The following GBE1 variants were observed in gnomAD, a reference collection of about 807,000 sequenced individuals.
The protein encoded by GBE1 is 1,4-alpha-glucan-branching enzyme.
A neutral mutation model predicts 88.8 loss-of-function variants in GBE1; 70 were observed. That is an observed-to-expected ratio of 0.79 (90% CI 0.65 to 0.96). The LOEUF is 0.96. GBE1 is among the 40% of genes least tolerant of loss of function. The pLI is 0.00. For synonymous variants in GBE1, 284 were observed against 300.1 expected (o/e 0.95, Z 0.56); for missense variants, 872 against 871.0 (o/e 1.00, Z -0.01).
chr3:81,566,188 A>G (rs577505391), intron 12 of GBE1, among the ~76,000 whole-genome samples: 14 of 152,296 alleles, frequency 9.2e-5, no homozygotes, highest in African/African-American at 3.4e-4. Flanking sequence ...GAACTTTCCT[A>G]TATCTTTTAC....
At chr3:81,690,292 A>G (rs1361261755) in intron 2 of GBE1, among the ~76,000 whole-genome samples, 1 of 152,254 alleles carries the variant, frequency 6.6e-6, no homozygotes, top group Non-Finnish European at 1.5e-5. Context: ...CTGTGTGTGC[A>G]TACTTCGTCT....
intron 7 of GBE1, among the ~76,000 whole-genome samples, chr3:81,640,357 G>A (rs1238822829): frequency 6.6e-6 from 1 of 151,996 alleles, no homozygotes; most frequent in African/African-American, 2.4e-5. Flanking sequence ...GACTAGCTTA[G>A]TCTTCCAGCC....
intron 2 of GBE1, among the ~76,000 whole-genome samples, chr3:81,684,173 C>T (rs1258990888): frequency 6.6e-6 from 1 of 152,158 alleles, no homozygotes; most frequent in African/African-American, 2.4e-5. Flanking sequence ...AGAGCTACTA[C>T]ATGACAGGGC....
intron 9 of GBE1, among the ~76,000 whole-genome samples, chr3:81,590,258 A>T (rs1423555862): frequency 6.6e-6 from 1 of 152,058 alleles, no homozygotes; most frequent in East Asian, 1.9e-4. Flanking sequence ...GTAAAAACAC[A>T]CCTTAATTCT....
At chr3:81,521,508 T>C (rs1204044235) in intron 14 of GBE1, among the ~76,000 whole-genome samples, 2 of 151,516 alleles carry the variant, frequency 1.3e-5, no homozygotes, top group Non-Finnish European at 3.0e-5. Context: ...TTCTATAATA[T>C]TGAACTACAC....
intron 1 of GBE1, among the ~76,000 whole-genome samples, chr3:81,719,167 A>G (rs1418068271): frequency 6.6e-6 from 1 of 152,138 alleles, no homozygotes; most frequent in Non-Finnish European, 1.5e-5. Flanking sequence ...AAATTCACAA[A>G]GTATGTTAAC....
intron 14 of GBE1, among the ~76,000 whole-genome samples, chr3:81,513,325 G>C (rs1702749606): frequency 6.6e-6 from 1 of 151,744 alleles, no homozygotes; most frequent in South Asian, 2.1e-4. Flanking sequence ...GAGTGAGGAA[G>C]AGATTTAACA....
At chr3:81,569,375 G>A (rs1310504227) in intron 12 of GBE1, among the ~76,000 whole-genome samples, 3 of 152,172 alleles carry the variant, frequency 2.0e-5, no homozygotes, top group Non-Finnish European at 4.4e-5. Context: ...GTAATACATA[G>A]CAATATGTAA....
At chr3:81,758,574 G>T (rs1706634574) in intron 1 of GBE1, among the ~76,000 whole-genome samples, 1 of 152,102 alleles carries the variant, frequency 6.6e-6, no homozygotes, top group African/African-American at 2.4e-5. Flanking sequence ...ATGTAATATG[G>T]GAACAATTAA....
rs1559708566 is a variant in GBE1, at chr3:81,750,589, GTATATATATATGTGTA to G, written c.143+10770_143+10785del. Reference sequence around the variant, plus strand: ...TATATATATATACGTATATATATACGTATATATATATGTGTATATATATATATGTATATATATATAC... The same window carrying G: ...TATATATATATACGTATATATATACGTATATATATATGTATATATATATAC... On this transcript the variant is annotated intron_variant, in intron 1 of 15. Coordinates refer to ENST00000429644, the MANE Select transcript of GBE1 (RefSeq NM_000158.4). 4.2e-4 allele frequency among the ~76,000 whole-genome samples: 13 copies of G among 30,818 alleles called. 1 individual carries two copies. The highest frequency in any genetic ancestry group is 4.3e-4 in the Non-Finnish European group (8 of 18,720). The allele number at this position is 30,818 out of a possible 152,430, so 20.2% of individuals were successfully genotyped here. A position where few individuals can be genotyped will look rare whatever the true frequency, so the allele number is the denominator to read the frequency against.
At chr3:81,686,756 A>AAAAAT (rs1221507122) in intron 2 of GBE1, among the ~76,000 whole-genome samples, 1 of 152,296 alleles carries the variant, frequency 6.6e-6, no homozygotes, top group African/African-American at 2.4e-5. Context: ...ACTCTGACTC[A>AAAAAT]AAAATAAAAT....
rs764543442 is a variant in GBE1, at chr3:81,761,416, G to A, written c.102C>T (p.Ile34=). ...DVPELARLLE[I]DPYLKPYAVD... ...CGGCGTAGGGCTTCAAGTACGGGTC[G>A]ATCTCCAGGAGTCTGGCCAGTTCGG... is the stretch of plus-strand genomic sequence containing the variant. Residue 34 remains isoleucine, a synonymous_variant, in exon 1 of 16, where the codon ATC becomes ATT. Transcript: ENST00000429644. The A allele has an allele frequency of 6.2e-6, 10 of 1,613,490 alleles. No homozygotes were observed. The Middle Eastern group carries it at 1.2e-3, about 187-fold the overall frequency.
At chr3:81,562,807 C>T (rs1247684764) in intron 12 of GBE1, among the ~76,000 whole-genome samples, 1 of 151,252 alleles carries the variant, frequency 6.6e-6, no homozygotes, top group Non-Finnish European at 1.5e-5. Context: ...ACTGTATTTT[C>T]TAAGTAACTG....
chr3:81,566,349 C>T (rs1576151628), intron 12 of GBE1, among the ~76,000 whole-genome samples: 1 of 152,134 alleles, frequency 6.6e-6, no homozygotes, highest in African/African-American at 2.4e-5. Context: ...TTGAAAGTCC[C>T]CAGGTGATTC....
chr3:81,503,122 T>C (rs1381448235), intron 14 of GBE1, among the ~76,000 whole-genome samples: 1 of 152,162 alleles, frequency 6.6e-6, no homozygotes, highest in Non-Finnish European at 1.5e-5. Flanking sequence ...TACAATAAAT[T>C]ATCTTTACTC....
In GBE1 at chr3:81,705,499, T is replaced by TAAACCA. The variant is rs766502899; in HGVS notation, c.252_257dup (p.Gly85_Leu86insPheGly). The TAAACCA allele has an allele frequency of 1.9e-6, 3 of 1,604,038 alleles. No individual in the cohort carries two copies. The African/African-American group carries it at 4.0e-5, about 21-fold the overall frequency. ...CTCCCGGGGCCCATTCTTTGCAGTA[T>TAAACCA]AAACCACCATCAGCACATCTGTGGA... On this transcript the variant is annotated inframe_insertion, in exon 2 of 16. Transcript: ENST00000429644.
At chr3:81,656,975 G>A (rs551874468) in intron 3 of GBE1, among the ~76,000 whole-genome samples, 5 of 152,038 alleles carry the variant, frequency 3.3e-5, no homozygotes, top group African/African-American at 1.2e-4. Flanking sequence ...GATCCATATG[G>A]AGAAACGCCG....
chr3:81,665,514 G>C (rs555183962), intron 3 of GBE1, among the ~76,000 whole-genome samples: 24 of 149,926 alleles, frequency 1.6e-4, no homozygotes, highest in South Asian at 4.2e-4. Flanking sequence ...CCAGCCTGGG[G>C]GACACAGCGA....
intron 1 of GBE1, among the ~76,000 whole-genome samples, chr3:81,738,551 T>G (rs1484290762): frequency 6.6e-6 from 1 of 152,070 alleles, no homozygotes; most frequent in Non-Finnish European, 1.5e-5. Flanking sequence ...AAAAAGACTC[T>G]TCACAGGTTG....
Sources: allele counts gnomAD v4.1 joint callset (sites outside exome capture counted in the v4.1 genomes callset), GRCh38; gene constraint gnomAD v4.1.1; transcripts MANE v1.5; gene names NCBI Gene and HGNC (gene_info 2026-07-23, HGNC 2026-07-21).